PCCA: variants seen among roughly 807,000 people sequenced by gnomAD.
PCCA encodes the protein propionyl-CoA carboxylase subunit alpha, also known as propionyl-CoA carboxylase alpha chain, mitochondrial.
A neutral mutation model predicts 101.3 loss-of-function variants in PCCA; 74 were observed. That is an observed-to-expected ratio of 0.73 (90% CI 0.61 to 0.89). The LOEUF (loss-of-function observed/expected upper bound fraction) is 0.89, where lower values mean the gene tolerates loss of function less well. Among genes scored for constraint, PCCA ranks in the 40% least tolerant of loss-of-function variants. The pLI is 0.00. For synonymous variants in PCCA, 294 were observed against 313.6 expected, an observed-to-expected ratio of 0.94 and a Z score of 0.66; for missense variants, 891 against 907.0, an observed-to-expected ratio of 0.98 and a Z score of 0.23.
chr13:100,225,854 G>C (rs7998122), intron 7 of PCCA, among the ~76,000 whole-genome samples: 47,962 of 151,866 alleles, frequency 0.32, 8,424 homozygotes, highest in East Asian at 0.71. Context: ...GCAGTGGCGC[G>C]ATCTTGGCTC....
intron 7 of PCCA, among the ~76,000 whole-genome samples, chr13:100,233,488 C>A (rs2060610975): frequency 6.6e-6 from 1 of 151,982 alleles, no homozygotes. Context: ...TTATAGGCAA[C>A]CTTTACAGTG....
At chr13:100,523,380 A>G (rs944491246) in intron 22 of PCCA, among the ~76,000 whole-genome samples, 2 of 152,228 alleles carry the variant, frequency 1.3e-5, no homozygotes, top group Non-Finnish European at 2.9e-5. Context: ...CACTTGGAAG[A>G]CTTGCCAGTA....
At chr13:100,245,289 T>C (rs1282070938) in intron 8 of PCCA, among the ~76,000 whole-genome samples, 1 of 152,164 alleles carries the variant, frequency 6.6e-6, no homozygotes, top group African/African-American at 2.4e-5. Flanking sequence ...AATTTTTCAG[T>C]GTTAGTCACA....
At position 100,323,178 on chromosome 13, in the gene PCCA, T is replaced by C. The variant is rs561339930; in HGVS notation, c.1430-7383T>C. Among the ~76,000 whole-genome samples the C allele has an allele frequency of 1.4e-3, 206 of 152,358 alleles. 1 individual carries two copies. Among genetic ancestry groups the C allele is most frequent in the African/African-American group, 4.7e-3 (195 of 41,584 alleles). ...TGTAAGCAAACCAGGCTGGCTGTGT[T>C]CTAATAAAACTTTTTTTACAAAAAT... On this transcript the variant is annotated intron_variant, in intron 16 of 23. Transcript: ENST00000376285.
At chr13:100,471,278 G>C (rs1260406443) in intron 21 of PCCA, among the ~76,000 whole-genome samples, 1 of 152,200 alleles carries the variant, frequency 6.6e-6, no homozygotes, top group African/African-American at 2.4e-5. Context: ...CATGGGCACA[G>C]TTTGTGGTTC....
intron 1 of PCCA, among the ~76,000 whole-genome samples, chr13:100,098,707 A>G (rs1489151610): frequency 6.6e-6 from 1 of 152,180 alleles, no homozygotes; most frequent in Non-Finnish European, 1.5e-5. Flanking sequence ...GGAGCTCTAG[A>G]GTTGACATGT....
At chr13:100,254,319 G>A (rs2061943258) in intron 8 of PCCA, among the ~76,000 whole-genome samples, 1 of 152,146 alleles carries the variant, frequency 6.6e-6, no homozygotes, top group East Asian at 1.9e-4. Context: ...TTATCATTCT[G>A]TTTCAAACAT....
intron 19 of PCCA, among the ~76,000 whole-genome samples, chr13:100,407,566 A>G (rs2077757953): frequency 6.6e-6 from 1 of 152,224 alleles, no homozygotes; most frequent in African/African-American, 2.4e-5. Flanking sequence ...TTCAATGCTC[A>G]ATCTACAGAA....
intron 6 of PCCA, among the ~76,000 whole-genome samples, chr13:100,195,004 C>T (rs1257771837): frequency 5.9e-5 from 9 of 151,926 alleles, no homozygotes; most frequent in Non-Finnish European, 1.5e-5. Flanking sequence ...TATTATTTTG[C>T]AACCAAAAAG....
intron 21 of PCCA, among the ~76,000 whole-genome samples, chr13:100,454,563 G>C (rs1252233439): frequency 6.6e-6 from 1 of 152,202 alleles, no homozygotes; most frequent in African/African-American, 2.4e-5. Context: ...AAGACACACA[G>C]GTCAGGAATA....
chr13:100,260,999 A>G (rs774216938), intron 9 of PCCA, among the ~76,000 whole-genome samples: 1 of 152,080 alleles, frequency 6.6e-6, no homozygotes, highest in South Asian at 2.1e-4. Flanking sequence ...GTTGTTTTTT[A>G]TATTACTAGA....
intron 21 of PCCA, among the ~76,000 whole-genome samples, chr13:100,493,263 G>A (rs1566451177): frequency 6.6e-6 from 1 of 152,212 alleles, no homozygotes; most frequent in South Asian, 2.1e-4. Flanking sequence ...CAAGTCCTGA[G>A]AGGAGTCAGG....
chr13:100,448,442 C>T (rs1326061071), intron 20 of PCCA, among the ~76,000 whole-genome samples: 1 of 152,188 alleles, frequency 6.6e-6, no homozygotes, highest in East Asian at 1.9e-4. Flanking sequence ...CCGCCTGCCT[C>T]AACCTCCCAG....
At chr13:100,403,963 C>T (rs892348004) in intron 19 of PCCA, among the ~76,000 whole-genome samples, 2 of 152,128 alleles carry the variant, frequency 1.3e-5, no homozygotes, top group Non-Finnish European at 2.9e-5. Context: ...CATCTAACTG[C>T]CATTAGAATA....
At chr13:100,353,457 T>C (rs2073532656) in intron 18 of PCCA, among the ~76,000 whole-genome samples, 1 of 152,164 alleles carries the variant, frequency 6.6e-6, no homozygotes, top group Non-Finnish European at 1.5e-5. Context: ...TAAATGAAAT[T>C]AGAAAGCAAC....
At position 100,492,909 on chromosome 13, in the gene PCCA, G is replaced by A. The variant is rs140954853; in HGVS notation, c.1900-22518G>A. ...CCTTTCCAGCTCCGCATCTCTCACC[G>A]AGAGCCATCTCCATCACTCAGTAAA... On this transcript the variant is annotated intron_variant, in intron 21 of 23. Transcript: ENST00000376285. Among the ~76,000 whole-genome samples the A allele has an allele frequency of 6.8e-4, 103 of 151,750 alleles. No individual in the cohort carries two copies. In the East Asian group the frequency reaches 0.014, roughly 21 times the overall value.
chr13:100,103,633 ATTAT>A (rs915323036), intron 2 of PCCA, among the ~76,000 whole-genome samples: 4 of 148,368 alleles, frequency 2.7e-5, no homozygotes, highest in Non-Finnish European at 6.0e-5. Flanking sequence ...TAATATTTAT[ATTAT>A]TTATTTATTT....
At chr13:100,453,424 C>A (rs561431320) in intron 21 of PCCA, among the ~76,000 whole-genome samples, 1 of 151,734 alleles carries the variant, frequency 6.6e-6, no homozygotes, top group East Asian at 1.9e-4. Flanking sequence ...ATCGCTTGAA[C>A]CTTGGAGGTG....
intron 20 of PCCA, among the ~76,000 whole-genome samples, chr13:100,432,467 T>A (rs529049130): frequency 1.3e-5 from 2 of 152,324 alleles, no homozygotes; most frequent in Admixed American, 6.5e-5. Flanking sequence ...AAAACGTGTT[T>A]GTGAATCAAC....
Sources: gnomAD v4.1 joint callset for allele counts (sites outside exome capture counted in the v4.1 genomes callset) on GRCh38, gnomAD v4.1.1 for gene constraint, MANE v1.5 for transcripts, NCBI Gene and HGNC (gene_info 2026-07-23, HGNC 2026-07-21) for gene names.